Variants in DLG2 observed in about 807,000 individuals in gnomAD.
DLG2 encodes the protein discs large MAGUK scaffold protein 2, also known as disks large homolog 2.
In DLG2, 45 loss-of-function variants were observed where a neutral mutation model predicts 132.5. The ratio of observed to expected loss-of-function variants is 0.34; its 90% CI spans 0.27 to 0.44. The LOEUF is 0.44. DLG2 is among the 20% of genes least tolerant of loss of function. DLG2 has a pLI of 1.00. For missense variants in DLG2, 1,045 were observed against 1,196.9 expected (o/e 0.87, Z 1.87); for synonymous variants, 424 against 419.6 (o/e 1.01, Z -0.13).
At chr11:83,948,614 GAA>G (rs3040355) in intron 14 of DLG2, among the ~76,000 whole-genome samples, 28,277 of 148,010 alleles carry the variant, frequency 0.19, 3,337 homozygotes, top group African/African-American at 0.31. Context: ...TGTAGTACTG[GAA>G]AAAAAAAAAA....
At chr11:84,565,960 GTT>G (rs748005006) in intron 6 of DLG2, among the ~76,000 whole-genome samples, 2 of 139,442 alleles carry the variant, frequency 1.4e-5, no homozygotes, top group Non-Finnish European at 1.5e-5. Context: ...ATATGATGAA[GTT>G]TTTTTTTTTT....
chr11:84,936,120 T>C (rs1490402432), intron 6 of DLG2, among the ~76,000 whole-genome samples: 1 of 152,202 alleles, frequency 6.6e-6, no homozygotes, highest in Non-Finnish European at 1.5e-5. Flanking sequence ...GATGAATGAA[T>C]GAAGCTGTTA....
At chr11:83,563,920 AT>A (rs1298152665) in intron 19 of DLG2, among the ~76,000 whole-genome samples, 12 of 152,200 alleles carry the variant, frequency 7.9e-5, no homozygotes, top group African/African-American at 1.2e-4. Context: ...TCTTCGTAGC[AT>A]TTGGGTTCTT....
chr11:83,753,835 G>GAT (rs1203101494), intron 18 of DLG2, among the ~76,000 whole-genome samples: 1 of 18,350 alleles, frequency 5.4e-5, no homozygotes, highest in African/African-American at 6.0e-4. Context: ...ATATATATAT[G>GAT]ATATATATCA....
At chr11:85,203,691 A>G (rs903257523) in intron 4 of DLG2, among the ~76,000 whole-genome samples, 2 of 152,132 alleles carry the variant, frequency 1.3e-5, no homozygotes, top group African/African-American at 2.4e-5. Flanking sequence ...TCATTGTATG[A>G]GGCCAGCATT....
intron 15 of DLG2, among the ~76,000 whole-genome samples, chr11:83,885,775 T>G (rs143989865): frequency 0.1 from 15,954 of 152,078 alleles, 1,260 homozygotes; most frequent in African/African-American, 0.22. Context: ...CAAGCCAGAA[T>G]AGAGTGGGGG....
At chr11:83,950,937 CT>C (rs1320674244) in intron 14 of DLG2, among the ~76,000 whole-genome samples, 49 of 152,060 alleles carry the variant, frequency 3.2e-4, no homozygotes, top group African/African-American at 1.2e-3. Flanking sequence ...CACACTTCCA[CT>C]TTGCTGTCTT....
chr11:84,237,800 G>A lies in DLG2; in HGVS notation c.573+13438C>T, dbSNP rs182716152. 2.9e-3 allele frequency among the ~76,000 whole-genome samples: 445 copies of A among 152,216 alleles called. 4 individuals carry two copies. The highest frequency in any genetic ancestry group is 0.01 in the African/African-American group (432 of 41,528). The stretch of plus-strand genomic sequence containing the variant: ...TGCCTATAATCCCAGCACTTTGGGA[G>A]GCTGAAGCAGGTGGATCATGAGGTC... On this transcript the variant is annotated intron_variant, in intron 8 of 27. Transcript: ENST00000376104.
At chr11:84,179,581 A>G (rs948206612) in intron 8 of DLG2, among the ~76,000 whole-genome samples, 7 of 152,168 alleles carry the variant, frequency 4.6e-5, no homozygotes, top group Non-Finnish European at 1.0e-4. Flanking sequence ...TTTACTGCCT[A>G]AAGCTCTACG....
At chr11:84,063,097 G>A (rs115846860) in intron 10 of DLG2, among the ~76,000 whole-genome samples, 2,038 of 152,136 alleles carry the variant, frequency 0.013, 44 homozygotes, top group African/African-American at 0.046. Flanking sequence ...CATCAAAAGC[G>A]ATACTCCATC....
At chr11:83,706,456 C>A (rs2084019848) in intron 18 of DLG2, among the ~76,000 whole-genome samples, 1 of 152,064 alleles carries the variant, frequency 6.6e-6, no homozygotes, top group African/African-American at 2.4e-5. Flanking sequence ...TATCCCCCAA[C>A]TCCTATGATT....
intron 20 of DLG2, among the ~76,000 whole-genome samples, chr11:83,534,657 G>A (rs892176712): frequency 7.9e-5 from 12 of 152,158 alleles, no homozygotes; most frequent in African/African-American, 2.2e-4. Flanking sequence ...ATGTAAGGCC[G>A]GGTGCGGTGG....
rs12289302 is a variant in DLG2 at position 83,955,215 on chromosome 11, C to T, written c.1340+7670G>A. Among the ~76,000 whole-genome samples, 854 of 152,200 alleles carry T rather than the reference C, an allele frequency of 5.6e-3. 8 individuals are homozygous for T. The highest frequency in any genetic ancestry group is 0.019 in the African/African-American group (784 of 41,522). On this transcript the variant is annotated intron_variant, in intron 14 of 27. Coordinates refer to ENST00000376104, the MANE Select transcript of DLG2 (RefSeq NM_001142699.3). ...AGTATTATTTTGCCCCTTTTATAAACGGCAACACAGAGGCAAAGGGGAGTT... is the reference window on the plus strand; with the variant it reads ...AGTATTATTTTGCCCCTTTTATAAATGGCAACACAGAGGCAAAGGGGAGTT...
chr11:84,085,352 T>C (rs1241686014), intron 10 of DLG2, among the ~76,000 whole-genome samples: 1 of 152,220 alleles, frequency 6.6e-6, no homozygotes, highest in Non-Finnish European at 1.5e-5. Flanking sequence ...AATGACAACA[T>C]GTGTCTGGAG....
intron 11 of DLG2, among the ~76,000 whole-genome samples, chr11:83,981,742 C>T (rs764755990): frequency 2.0e-5 from 3 of 152,190 alleles, no homozygotes; most frequent in Non-Finnish European, 2.9e-5. Flanking sequence ...CTGCCAAAAA[C>T]TTTAAAATGT....
chr11:85,315,365 T>C (rs1412935918), intron 3 of DLG2, among the ~76,000 whole-genome samples: 3 of 151,944 alleles, frequency 2.0e-5, no homozygotes, highest in African/African-American at 7.2e-5. Flanking sequence ...ATAAGGTTGA[T>C]AAACAACCAC....
chr11:85,392,653 C>G (rs2086901647), intron 3 of DLG2, among the ~76,000 whole-genome samples: 1 of 152,052 alleles, frequency 6.6e-6, no homozygotes, highest in Non-Finnish European at 1.5e-5. Flanking sequence ...ATAGAGAACG[C>G]AGAAATAAAC....
intron 6 of DLG2, among the ~76,000 whole-genome samples, chr11:84,935,504 T>C (rs180975889): frequency 8.5e-5 from 13 of 152,308 alleles, no homozygotes; most frequent in Non-Finnish European, 1.5e-4. Context: ...TCCTCTAAAG[T>C]ACTATGCCCT....
At chr11:85,525,043 A>G (rs34679192) in intron 3 of DLG2, 1 of 152,202 alleles carries the variant, frequency 6.6e-6, no homozygotes, top group African/African-American at 2.4e-5. Flanking sequence ...CTATTAAGAA[A>G]AAAACATGTA....
Sources: allele counts gnomAD v4.1 joint callset (sites outside exome capture counted in the v4.1 genomes callset), GRCh38; gene constraint gnomAD v4.1.1; transcripts MANE v1.5; gene names NCBI Gene and HGNC (gene_info 2026-07-23, HGNC 2026-07-21).